MIS18A: variants seen among roughly 807,000 people sequenced by gnomAD.
The protein encoded by MIS18A is MIS18 kinetochore protein A.
MIS18A carries 14 observed loss-of-function variants against 25.0 expected under a neutral mutation model. The observed-to-expected ratio is 0.56, with a 90% CI of 0.37 to 0.88. The LOEUF (loss-of-function observed/expected upper bound fraction) is 0.88, where lower values mean the gene tolerates loss of function less well. Among genes scored for constraint, MIS18A ranks in the 40% least tolerant of loss-of-function variants. The pLI is 0.00. For synonymous variants in MIS18A, 134 were observed against 118.6 expected, an observed-to-expected ratio of 1.13 and a Z score of -0.84; for missense variants, 292 against 290.8, an observed-to-expected ratio of 1.00 and a Z score of -0.03.
At chr21:32,242,907 C>T in the MIS18A span, among the ~76,000 whole-genome samples, 1 of 152,156 alleles carries the variant, frequency 6.6e-6, no homozygotes. Context: ...TCTACCTCCC[C>T]AAGACAGTGT....
the MIS18A span, among the ~76,000 whole-genome samples, chr21:32,208,848 C>A: frequency 1.3e-5 from 2 of 152,330 alleles, no homozygotes; most frequent in East Asian, 3.9e-4. Flanking sequence ...GGAGTGTTCA[C>A]TGAGTAGGCG....
chr21:32,185,112 T>C, the MIS18A span, among the ~76,000 whole-genome samples: 1 of 152,250 alleles, frequency 6.6e-6, no homozygotes, highest in African/African-American at 2.4e-5. Context: ...CAAGGGACTC[T>C]TCACATAGCC....
At chr21:32,260,280 T>C in the MIS18A span, 1 of 152,034 alleles carries the variant, frequency 6.6e-6, no homozygotes, top group African/African-American at 2.4e-5. Context: ...TTAAGAATAA[T>C]GAAGTGGGAG....
the MIS18A span, among the ~76,000 whole-genome samples, chr21:32,190,543 C>A: frequency 6.6e-6 from 1 of 152,152 alleles, no homozygotes; most frequent in Admixed American, 6.5e-5. Flanking sequence ...GCAATAAGAA[C>A]ACATTTTTTA....
the MIS18A span, among the ~76,000 whole-genome samples, chr21:32,226,343 C>T: frequency 6.6e-6 from 1 of 150,966 alleles, no homozygotes; most frequent in East Asian, 1.9e-4. Flanking sequence ...CAACTATATG[C>T]TGCCTACAAA....
chr21:32,195,319 G>A, the MIS18A span, among the ~76,000 whole-genome samples: 2 of 152,298 alleles, frequency 1.3e-5, no homozygotes, highest in East Asian at 1.9e-4. Context: ...TGGCCTATGT[G>A]CGTCATTCAA....
chr21:32,242,359 C>G, the MIS18A span, among the ~76,000 whole-genome samples: 1 of 152,140 alleles, frequency 6.6e-6, no homozygotes, highest in Non-Finnish European at 1.5e-5. Context: ...TCATATTCTT[C>G]TACTGAGTAA....
chr21:32,229,651 A>T, the MIS18A span, among the ~76,000 whole-genome samples: 1 of 152,226 alleles, frequency 6.6e-6, no homozygotes, highest in South Asian at 2.1e-4. Flanking sequence ...GACACTAATT[A>T]TCAGCTTGTG....
At chr21:32,213,711 C>A in the MIS18A span, among the ~76,000 whole-genome samples, 2 of 152,192 alleles carry the variant, frequency 1.3e-5, no homozygotes, top group African/African-American at 4.8e-5. Context: ...TTCTCAGGGT[C>A]AGAAGTCCAA....
chr21:32,224,184 A>G, the MIS18A span, among the ~76,000 whole-genome samples: 1 of 151,014 alleles, frequency 6.6e-6, no homozygotes, highest in Non-Finnish European at 1.5e-5. Context: ...CTGAATGGGC[A>G]AAAACTGGAA....
the MIS18A span, among the ~76,000 whole-genome samples, chr21:32,203,612 G>GTTTTTT: frequency 9.0e-6 from 1 of 111,102 alleles, no homozygotes; most frequent in African/African-American, 3.4e-5. Flanking sequence ...TTTTTTAAAT[G>GTTTTTT]CTTTTTTTTT....
At chr21:32,244,914 A>T in the MIS18A span, among the ~76,000 whole-genome samples, 1 of 152,240 alleles carries the variant, frequency 6.6e-6, no homozygotes, top group South Asian at 2.1e-4. Flanking sequence ...GGATCTCTTG[A>T]CATAAAATAA....
chr21:32,265,435 A>G (rs369131220), downstream of MIS18A, among the ~76,000 whole-genome samples: 82 of 152,334 alleles, frequency 5.4e-4, no homozygotes, highest in Middle Eastern at 0.014. Context: ...GCAGCCAGCC[A>G]GCCCTGCTGG....
chr21:32,213,307 T>C, the MIS18A span, among the ~76,000 whole-genome samples: 17 of 152,266 alleles, frequency 1.1e-4, no homozygotes, highest in Admixed American at 9.2e-4. Flanking sequence ...AACACATAGA[T>C]AGACAAAAGG....
the MIS18A span, among the ~76,000 whole-genome samples, chr21:32,253,976 C>A: frequency 1.3e-5 from 2 of 152,186 alleles, no homozygotes; most frequent in African/African-American, 4.8e-5. Context: ...GTGGCTCACG[C>A]CTGTAATTCC....
At chr21:32,231,071 A>G in the MIS18A span, among the ~76,000 whole-genome samples, 1 of 151,838 alleles carries the variant, frequency 6.6e-6, no homozygotes, top group African/African-American at 2.4e-5. Flanking sequence ...CCCCGTCTCT[A>G]ACAAAAAATA....
the MIS18A span, among the ~76,000 whole-genome samples, chr21:32,167,185 T>C: frequency 2.0e-5 from 3 of 152,166 alleles, no homozygotes; most frequent in Non-Finnish European, 2.9e-5. Flanking sequence ...TGCCAGAGTA[T>C]AGGGTGAATC....
In MIS18A at chr21:32,275,024, A is replaced by C. The variant is rs528213607; in HGVS notation, c.335-128T>G. 24 of 719,890 alleles carry C rather than the reference A, an allele frequency of 3.3e-5. No individual in the cohort carries two copies. The East Asian group carries it at 6.0e-4, about 18-fold the overall frequency. The allele number at this position is 719,890 out of a possible 1,614,324, so 44.6% of individuals were successfully genotyped here. A position where few individuals can be genotyped will look rare whatever the true frequency, so the allele number is the denominator to read the frequency against. ...AAATAAGCCCAAAGTCAAACACACAAAAGAGCGGTTTAAAACTAAATGTAC... is the reference window on the plus strand; with the variant it reads ...AAATAAGCCCAAAGTCAAACACACACAAGAGCGGTTTAAAACTAAATGTAC... On this transcript the variant is annotated intron_variant, in intron 1 of 4. Transcript: ENST00000290130.
the MIS18A span, among the ~76,000 whole-genome samples, chr21:32,157,453 G>C: frequency 6.6e-6 from 1 of 150,596 alleles, no homozygotes; most frequent in Admixed American, 6.6e-5. Flanking sequence ...AAATTTTGTA[G>C]CATTTAAAAT....
Sources: allele counts gnomAD v4.1 joint callset (sites outside exome capture counted in the v4.1 genomes callset), GRCh38; gene constraint gnomAD v4.1.1; transcripts MANE v1.5; gene names NCBI Gene and HGNC (gene_info 2026-07-23, HGNC 2026-07-21).